PRKN: variants seen among roughly 807,000 people sequenced by gnomAD.
PRKN encodes parkin RBR E3 ubiquitin protein ligase, also known as E3 ubiquitin-protein ligase parkin.
A neutral mutation model predicts 59.5 loss-of-function variants in PRKN; 56 were observed. The observed-to-expected ratio is 0.94, with a 90% confidence interval of 0.76 to 1.18. The LOEUF (loss-of-function observed/expected upper bound fraction) is 1.18. Ranked by LOEUF, PRKN falls within the 50% of genes most tolerant of loss-of-function variation. PRKN has a pLI of 0.00. For missense variants in PRKN, 657 were observed against 596.4 expected, an observed-to-expected ratio of 1.10 and a Z score of -1.06; for synonymous variants, 250 against 222.1, an observed-to-expected ratio of 1.13 and a Z score of -1.12.
chr6:162,604,607 T>G (rs1171082284), intron 1 of PRKN, among the ~76,000 whole-genome samples: 1 of 151,614 alleles, frequency 6.6e-6, no homozygotes, highest in African/African-American at 2.4e-5. Flanking sequence ...CCCACACTCA[T>G]CCCCTACATA....
intron 9 of PRKN, among the ~76,000 whole-genome samples, chr6:161,491,936 A>G (rs1011570919): frequency 2.0e-5 from 3 of 152,166 alleles, no homozygotes; most frequent in African/African-American, 7.2e-5. Context: ...CCGGCCTATG[A>G]CTTAACTTCT....
rs147449873 is a variant in PRKN, at chr6:161,631,772, A to AACACACACAC, written c.872-62366_872-62357dup. On this transcript the variant is annotated intron_variant, in intron 7 of 11. Coordinates refer to ENST00000366898, the MANE Select transcript of PRKN (RefSeq NM_004562.3). ...CTAGGGGTACGCACACACCCAGACA[A>AACACACACAC]ACACACACACACACACACACACCCC... is the stretch of plus-strand genomic sequence containing the variant. 1.8e-3 allele frequency among the ~76,000 whole-genome samples: 271 copies of AACACACACAC among 150,468 alleles called. 2 individuals carry two copies. The highest frequency in any genetic ancestry group is 5.2e-3 in the African/African-American group (213 of 40,898).
At chr6:161,882,928 C>A (rs1192579881) in intron 6 of PRKN, among the ~76,000 whole-genome samples, 2 of 151,544 alleles carry the variant, frequency 1.3e-5, no homozygotes, top group African/African-American at 4.9e-5. Flanking sequence ...TCGCTTGAAT[C>A]CGGGAGGTGG....
At position 161,934,635 on chromosome 6, in the gene PRKN, G is replaced by C. The variant is rs189184412; in HGVS notation, c.734+38667C>G. Among the ~76,000 whole-genome samples, 105 of 152,260 alleles carry C rather than the reference G, an allele frequency of 6.9e-4. 1 individual carries two copies. Among genetic ancestry groups the C allele is most frequent in the Non-Finnish European group, 9.1e-4 (62 of 68,000 alleles). On this transcript the variant is annotated intron_variant, in intron 6 of 11. Transcript: ENST00000366898. ...CCTTGATTATTTAAGGGCAAAAAAT[G>C]TTGCCTCACTTAAGGAAGAGCTAAG...
intron 4 of PRKN, among the ~76,000 whole-genome samples, chr6:162,133,621 G>A (rs979438629): frequency 2.0e-5 from 3 of 152,122 alleles, no homozygotes; most frequent in Admixed American, 6.5e-5. Context: ...AGAAAGCCAT[G>A]GGCACGAATG....
At chr6:162,698,697 C>A (rs1476830452) in intron 1 of PRKN, among the ~76,000 whole-genome samples, 3 of 152,178 alleles carry the variant, frequency 2.0e-5, no homozygotes, top group African/African-American at 7.2e-5. Flanking sequence ...AGTATGCACA[C>A]CCAACCAGCA....
chr6:162,202,616 TC>T (rs1442664931), intron 3 of PRKN, among the ~76,000 whole-genome samples: 5 of 152,206 alleles, frequency 3.3e-5, no homozygotes, highest in Non-Finnish European at 7.3e-5. Context: ...TACAACATAT[TC>T]AAGTACATAA....
chr6:162,080,123 T>G (rs1205501959), intron 4 of PRKN, among the ~76,000 whole-genome samples: 2 of 152,102 alleles, frequency 1.3e-5, no homozygotes, highest in Non-Finnish European at 2.9e-5. Context: ...TCATCCTGTG[T>G]GTTTATTAGA....
At chr6:162,534,007 A>G (rs568479344) in intron 1 of PRKN, among the ~76,000 whole-genome samples, 1 of 151,826 alleles carries the variant, frequency 6.6e-6, no homozygotes, top group East Asian at 1.9e-4. Context: ...AAGGAGGATT[A>G]ATAAGACAAA....
intron 4 of PRKN, among the ~76,000 whole-genome samples, chr6:162,159,321 C>G (rs1782659595): frequency 6.6e-6 from 1 of 152,028 alleles, no homozygotes; most frequent in Non-Finnish European, 1.5e-5. Flanking sequence ...TTTTAGTAAG[C>G]TTTTCTATAT....
chr6:162,325,923 G>A (rs1554300069), intron 2 of PRKN, among the ~76,000 whole-genome samples: 1 of 152,116 alleles, frequency 6.6e-6, no homozygotes, highest in Non-Finnish European at 1.5e-5. Context: ...AAGCAATGGA[G>A]ATCTTTGCAA....
chr6:161,657,504 A>T (rs1421185283), intron 7 of PRKN, among the ~76,000 whole-genome samples: 1 of 152,100 alleles, frequency 6.6e-6, no homozygotes, highest in African/African-American at 2.4e-5. Flanking sequence ...CTGATGCTCT[A>T]GCTTTTCATT....
At position 161,447,533 on chromosome 6, in the gene PRKN, G is replaced by A. The variant is rs375098729; in HGVS notation, c.1084-60656C>T. 2.0e-5 allele frequency among the ~76,000 whole-genome samples: 3 copies of A among 151,978 alleles called. No individual in the cohort carries two copies. The highest frequency in any genetic ancestry group is 2.1e-4 in the South Asian group (1 of 4,804). On this transcript the variant is annotated intron_variant, in intron 9 of 11. Coordinates refer to ENST00000366898, the MANE Select transcript of PRKN (RefSeq NM_004562.3). This position sits in a 1 kb window ranked among gnomAD's most constrained non-coding sequence, Gnocchi z 4.1. Reference sequence around the variant, plus strand: ...CCTTGAGATGGAGTCTCTCTCTGTCGCCCAGGCTGGAGTGCAGTGGAGTGA... The same window carrying A: ...CCTTGAGATGGAGTCTCTCTCTGTCACCCAGGCTGGAGTGCAGTGGAGTGA...
rs2128161583 is a variant in PRKN at position 162,427,693 on chromosome 6, T to C, written c.171+15617A>G. Among the ~76,000 whole-genome samples, 3 of 151,528 alleles carry C rather than the reference T, an allele frequency of 2.0e-5. 1 individual carries two copies. The South Asian group carries it at 6.3e-4, about 32-fold the overall frequency. On this transcript the variant is annotated intron_variant, in intron 2 of 11. Transcript: ENST00000366898. ...TGGAGTCTCGCTCTGTCGCCCAGGCTGGACTGCAGTGGCGCAATCTCGGCT... is the reference window on the plus strand; with the variant it reads ...TGGAGTCTCGCTCTGTCGCCCAGGCCGGACTGCAGTGGCGCAATCTCGGCT...
At chr6:162,727,070 G>A (rs1018678010) in intron 1 of PRKN, 5 of 152,044 alleles carry the variant, frequency 3.3e-5, no homozygotes, top group Admixed American at 3.3e-4. Flanking sequence ...TACTCTTAAT[G>A]TTTCTTTCAT....
chr6:162,295,424 T>C lies in PRKN; in HGVS notation c.172-32659A>G, dbSNP rs952387. ...ATTTACACAAAAGGCCTGACATGGC[T>C]ACACACAGGCCCTGTGGTCTGATAC... On this transcript the variant is annotated intron_variant, in intron 2 of 11. Coordinates refer to ENST00000366898, the MANE Select transcript of PRKN (RefSeq NM_004562.3). 2.1e-3 allele frequency among the ~76,000 whole-genome samples: 317 copies of C among 152,290 alleles called. 1 individual carries two copies. The highest frequency in any genetic ancestry group is 3.6e-3 in the Non-Finnish European group (248 of 68,024).
intron 9 of PRKN, among the ~76,000 whole-genome samples, chr6:161,450,801 C>T (rs2115121461): frequency 6.6e-6 from 1 of 152,302 alleles, no homozygotes; most frequent in Non-Finnish European, 1.5e-5. Context: ...GTGATCTGCC[C>T]ACCCTGGCCT....
chr6:161,781,849 T>C (rs1018922905), intron 7 of PRKN, among the ~76,000 whole-genome samples: 1 of 152,150 alleles, frequency 6.6e-6, no homozygotes, highest in Non-Finnish European at 1.5e-5. Flanking sequence ...AAAAGAAACA[T>C]ACAGCCAACT....
intron 4 of PRKN, among the ~76,000 whole-genome samples, chr6:162,060,743 T>C (rs981159493): frequency 6.6e-6 from 1 of 152,254 alleles, no homozygotes; most frequent in Admixed American, 6.5e-5. Context: ...TATGCATTGA[T>C]GCTTAAAATA....
Sources: allele counts gnomAD v4.1 joint callset (sites outside exome capture counted in the v4.1 genomes callset), GRCh38; gene constraint gnomAD v4.1.1; non-coding constraint Gnocchi (gnomAD v3.1); transcripts MANE v1.5; gene names NCBI Gene and HGNC (gene_info 2026-07-23, HGNC 2026-07-21).